Variants in NPAS3 observed in about 807,000 individuals in gnomAD.
NPAS3 encodes the protein neuronal PAS domain protein 3.
In NPAS3, 14 loss-of-function variants were observed where a neutral mutation model predicts 73.1. That is an observed-to-expected ratio of 0.19 (90% CI 0.13 to 0.30). The LOEUF is 0.30. NPAS3 is among the 10% of genes least tolerant of loss of function. NPAS3 has a pLI of 1.00. For synonymous variants in NPAS3, 620 were observed against 541.5 expected, an observed-to-expected ratio of 1.14 and a Z score of -2.01; for missense variants, 1,096 against 1,250.0, an observed-to-expected ratio of 0.88 and a Z score of 1.86.
In NPAS3 at chr14:33,575,464, G is replaced by A. The variant is rs116643227; in HGVS notation, c.558+15254G>A. ...TAGTTTTGCCAGATCTCTCTAATTT[G>A]TAGGTTTTCCAATTGTTCCTAACAT... is the stretch of plus-strand genomic sequence containing the variant. On this transcript the variant is annotated intron_variant, in intron 5 of 11. Transcript: ENST00000356141. Among the ~76,000 whole-genome samples, 845 of 152,258 alleles carry A rather than the reference G, an allele frequency of 5.5e-3. 5 individuals carry two copies. Among genetic ancestry groups the A allele is most frequent in the African/African-American group, 0.019 (787 of 41,534 alleles).
chr14:33,280,877 TC>T (rs1566753834), intron 3 of NPAS3, among the ~76,000 whole-genome samples: 1 of 152,116 alleles, frequency 6.6e-6, no homozygotes, highest in Admixed American at 6.6e-5. Flanking sequence ...TCAAAGCTCA[TC>T]ATTAGCGTGT....
chr14:33,575,281 A>C (rs1205847539), intron 5 of NPAS3, among the ~76,000 whole-genome samples: 1 of 152,228 alleles, frequency 6.6e-6, no homozygotes, highest in Non-Finnish European at 1.5e-5. Context: ...CAACAATCCA[A>C]GATTCATAGA....
intron 1 of NPAS3, among the ~76,000 whole-genome samples, chr14:33,039,076 C>A (rs191922103): frequency 1.3e-5 from 2 of 152,118 alleles, no homozygotes; most frequent in South Asian, 4.1e-4. Context: ...CATGAAGCCA[C>A]GACCAAGAAT....
At chr14:33,769,738 G>A (rs1282037017) in intron 7 of NPAS3, among the ~76,000 whole-genome samples, 3 of 129,598 alleles carry the variant, frequency 2.3e-5, no homozygotes, top group Non-Finnish European at 4.9e-5. Context: ...AGCCCTGAAA[G>A]ACTTGGATTT....
chr14:33,767,912 A>G (rs2062516967), intron 7 of NPAS3, among the ~76,000 whole-genome samples: 1 of 152,218 alleles, frequency 6.6e-6, no homozygotes, highest in Non-Finnish European at 1.5e-5. Flanking sequence ...TGTATCACCA[A>G]CAGAAAACTG....
intron 7 of NPAS3, among the ~76,000 whole-genome samples, chr14:33,753,506 C>A (rs762498887): frequency 5.3e-5 from 8 of 152,136 alleles, no homozygotes; most frequent in African/African-American, 1.9e-4. Flanking sequence ...CAGATTGATT[C>A]TGCAGTAACT....
chr14:33,061,845 G>A lies in NPAS3; in HGVS notation c.140+5851G>A, dbSNP rs143620641. ...TGGAGCGGTGCCTCAGGAGAAATAA[G>A]TGTCAACTATGGAAGCAGCACCACA... On this transcript the variant is annotated intron_variant, in intron 2 of 11. Transcript: ENST00000356141. 2.9e-3 allele frequency among the ~76,000 whole-genome samples: 446 copies of A among 152,252 alleles called. 3 individuals are homozygous for A. The highest frequency in any genetic ancestry group is 0.016 in the South Asian group (77 of 4,808).
chr14:33,789,611 C>T (rs569977248), intron 9 of NPAS3, among the ~76,000 whole-genome samples: 70 of 39,124 alleles, frequency 1.8e-3, no homozygotes, highest in Non-Finnish European at 2.6e-3. Context: ...TTTTTTGAGA[C>T]GGAGTCTCGC....
chr14:33,360,479 A>G (rs946319314), intron 3 of NPAS3, among the ~76,000 whole-genome samples: 2 of 152,192 alleles, frequency 1.3e-5, no homozygotes, highest in African/African-American at 4.8e-5. Flanking sequence ...AAAAAGAGGA[A>G]ATTCTCATTT....
chr14:33,428,073 A>G (rs1367277965), intron 4 of NPAS3, among the ~76,000 whole-genome samples: 1 of 152,128 alleles, frequency 6.6e-6, no homozygotes, highest in African/African-American at 2.4e-5. Flanking sequence ...AACTCAATAC[A>G]TAATAACTTA....
At chr14:33,547,537 G>A (rs2054905112) in intron 4 of NPAS3, among the ~76,000 whole-genome samples, 1 of 152,134 alleles carries the variant, frequency 6.6e-6, no homozygotes, top group South Asian at 2.1e-4. Context: ...AGGATTTACG[G>A]GAACATTGGC....
chr14:33,008,697 G>T (rs10483421), intron 1 of NPAS3, among the ~76,000 whole-genome samples: 1 of 152,012 alleles, frequency 6.6e-6, no homozygotes, highest in Non-Finnish European at 1.5e-5. Context: ...AGAAATGAAC[G>T]TTAGGTAAGA....
At chr14:32,945,046 T>G (rs957114316) in intron 1 of NPAS3, among the ~76,000 whole-genome samples, 1 of 152,174 alleles carries the variant, frequency 6.6e-6, no homozygotes, top group Non-Finnish European at 1.5e-5. Flanking sequence ...TAAGAGCAGT[T>G]GCTTTGGTTG....
intron 2 of NPAS3, among the ~76,000 whole-genome samples, chr14:33,097,515 CAT>C (rs751459231): frequency 1.3e-5 from 2 of 152,118 alleles, no homozygotes; most frequent in Non-Finnish European, 2.9e-5. Flanking sequence ...TCTTTGGTAA[CAT>C]GTACTCATTT....
At chr14:33,710,660 G>A (rs1021891899) in intron 6 of NPAS3, among the ~76,000 whole-genome samples, 1 of 152,148 alleles carries the variant, frequency 6.6e-6, no homozygotes, top group Admixed American at 6.5e-5. Flanking sequence ...CCGGAGAAAG[G>A]AAAAAGGAGT....
chr14:33,729,601 G>C (rs952227362), intron 6 of NPAS3, among the ~76,000 whole-genome samples: 3 of 152,136 alleles, frequency 2.0e-5, no homozygotes, highest in African/African-American at 7.2e-5. Flanking sequence ...TGAAGTGACT[G>C]TTAGTAGGAA....
intron 3 of NPAS3, among the ~76,000 whole-genome samples, chr14:33,306,456 A>T (rs2042758666): frequency 6.6e-6 from 1 of 152,186 alleles, no homozygotes; most frequent in Non-Finnish European, 1.5e-5. Flanking sequence ...CATATTTCTG[A>T]TAGTCTGCAG....
chr14:33,376,020 A>G (rs1010079569), intron 4 of NPAS3, among the ~76,000 whole-genome samples: 1 of 152,094 alleles, frequency 6.6e-6, no homozygotes, highest in African/African-American at 2.4e-5. Flanking sequence ...TCACTGGAGA[A>G]TCTTATTGTG....
chr14:33,211,120 A>G (rs1037894685), intron 2 of NPAS3, among the ~76,000 whole-genome samples: 2 of 152,210 alleles, frequency 1.3e-5, no homozygotes, highest in Non-Finnish European at 2.9e-5. Context: ...GACTCATTTA[A>G]CTTAATTCTA....
Sources: gnomAD v4.1 joint callset for allele counts (sites outside exome capture counted in the v4.1 genomes callset) on GRCh38, gnomAD v4.1.1 for gene constraint, MANE v1.5 for transcripts, NCBI Gene and HGNC (gene_info 2026-07-23, HGNC 2026-07-21) for gene names.